ASH1L: variants seen among roughly 807,000 people sequenced by gnomAD.
ASH1L encodes histone-lysine N-methyltransferase ASH1L.
ASH1L carries 23 observed loss-of-function variants against 269.0 expected under a neutral mutation model. That is an observed-to-expected ratio of 0.09 (90% CI 0.06 to 0.12). ASH1L has a LOEUF of 0.12. ASH1L is among the 10% of genes least tolerant of loss of function. ASH1L has a pLI of 1.00. For missense variants in ASH1L, 2,912 were observed against 3,567.8 expected, an observed-to-expected ratio of 0.82 and a Z score of 4.68; for synonymous variants, 1,187 against 1,253.5, an observed-to-expected ratio of 0.95 and a Z score of 1.12.
At chr1:155,362,659 T>C (rs1164773438) in intron 12 of ASH1L, among the ~76,000 whole-genome samples, 1 of 152,156 alleles carries the variant, frequency 6.6e-6, no homozygotes, top group African/African-American at 2.4e-5. Context: ...CATGCCATAC[T>C]GATAACAAGT....
At chr1:155,401,150 G>C (rs1300232618) in intron 6 of ASH1L, among the ~76,000 whole-genome samples, 1 of 151,176 alleles carries the variant, frequency 6.6e-6, no homozygotes, top group African/African-American at 2.4e-5. Flanking sequence ...GACAGAGTGA[G>C]ACTCTCTGTC....
chr1:155,395,095 T>C (rs547227603), intron 7 of ASH1L, among the ~76,000 whole-genome samples: 20 of 152,010 alleles, frequency 1.3e-4, no homozygotes, highest in Non-Finnish European at 2.8e-4. Flanking sequence ...TGCCACCACG[T>C]CCAGCTAATT....
chr1:155,392,770 G>T (rs1172846071), intron 7 of ASH1L, among the ~76,000 whole-genome samples: 2 of 151,676 alleles, frequency 1.3e-5, no homozygotes, highest in Non-Finnish European at 2.9e-5. Flanking sequence ...ATTACAGGTG[G>T]ATAATTGTTA....
intron 5 of ASH1L, among the ~76,000 whole-genome samples, chr1:155,417,659 G>A (rs1441709988): frequency 6.6e-6 from 1 of 152,154 alleles, no homozygotes; most frequent in African/African-American, 2.4e-5. Flanking sequence ...TATCCTGAAA[G>A]GAAGACTAGC....
chr1:155,436,558 G>T (rs188279347), intron 5 of ASH1L, among the ~76,000 whole-genome samples: 8 of 144,358 alleles, frequency 5.5e-5, no homozygotes, highest in African/African-American at 1.6e-4. Flanking sequence ...GTGCAGTGGC[G>T]CAATCTCGGC....
intron 2 of ASH1L, among the ~76,000 whole-genome samples, chr1:155,518,754 G>T (rs1272213052): frequency 6.7e-6 from 1 of 148,958 alleles, no homozygotes; most frequent in Non-Finnish European, 1.5e-5. Flanking sequence ...GAAGGGGAGG[G>T]AAGAGAGGGG....
At chr1:155,542,044 C>T (rs1421598575) in intron 1 of ASH1L, among the ~76,000 whole-genome samples, 2 of 152,082 alleles carry the variant, frequency 1.3e-5, no homozygotes, top group African/African-American at 4.8e-5. Context: ...TCCAATCAAA[C>T]CTTACTTAGC....
chr1:155,414,310 A>C (rs1660034238), intron 6 of ASH1L, among the ~76,000 whole-genome samples: 1 of 151,768 alleles, frequency 6.6e-6, no homozygotes, highest in South Asian at 2.1e-4. Context: ...TAGCATTAAA[A>C]AAATTTCTTT....
chr1:155,351,270 C>T (rs74796484), intron 17 of ASH1L, among the ~76,000 whole-genome samples: 7,792 of 151,062 alleles, frequency 0.052, 660 homozygotes, highest in African/African-American at 0.18. Context: ...ATTAGTTTGG[C>T]GGGGCACAGT....
intron 12 of ASH1L, among the ~76,000 whole-genome samples, chr1:155,361,535 A>G (rs1654944604): frequency 6.8e-6 from 1 of 147,276 alleles, no homozygotes; most frequent in South Asian, 2.2e-4. Context: ...AAAAAAAAAA[A>G]AAAAAAAAAA....
chr1:155,496,838 G>T (rs1349023326), intron 2 of ASH1L, among the ~76,000 whole-genome samples: 1 of 151,666 alleles, frequency 6.6e-6, no homozygotes, highest in African/African-American at 2.4e-5. Context: ...AGAGGTGGGG[G>T]TCTCACTATG....
chr1:155,527,531 CTTTTTTTTT>C (rs35475547), intron 1 of ASH1L, among the ~76,000 whole-genome samples: 2 of 110,822 alleles, frequency 1.8e-5, no homozygotes, highest in African/African-American at 7.0e-5. Flanking sequence ...TACGGGATAC[CTTTTTTTTT>C]TTTTTTTTTT....
intron 5 of ASH1L, among the ~76,000 whole-genome samples, chr1:155,419,892 C>G (rs1219459929): frequency 1.3e-5 from 2 of 152,282 alleles, no homozygotes; most frequent in East Asian, 3.9e-4. Flanking sequence ...CACCCAAAGA[C>G]TCTACAAAAG....
At chr1:155,390,014 T>C (rs1657786563) in intron 7 of ASH1L, among the ~76,000 whole-genome samples, 1 of 151,974 alleles carries the variant, frequency 6.6e-6, no homozygotes, top group Admixed American at 6.6e-5. Context: ...CTTGACTTAA[T>C]ACACTGCCTA....
At chr1:155,525,539 CAAA>C (rs747113017) in intron 1 of ASH1L, among the ~76,000 whole-genome samples, 4 of 87,638 alleles carry the variant, frequency 4.6e-5, no homozygotes, top group Non-Finnish European at 4.9e-5. Context: ...TTCTAAAAGC[CAAA>C]AAAAAAAAAA....
At chr1:155,513,730 T>C (rs549328018) in intron 2 of ASH1L, among the ~76,000 whole-genome samples, 2 of 152,254 alleles carry the variant, frequency 1.3e-5, no homozygotes, top group East Asian at 1.9e-4. Context: ...TCTACACACA[T>C]GTTCAGCATT....
chr1:155,418,703 T>C (rs537160822), intron 5 of ASH1L, among the ~76,000 whole-genome samples: 115 of 152,132 alleles, frequency 7.6e-4, no homozygotes, highest in African/African-American at 2.6e-3. Context: ...AAGCAAACCA[T>C]AGGCAGGATA....
intron 2 of ASH1L, among the ~76,000 whole-genome samples, chr1:155,485,222 C>CTA (rs905999202): frequency 2.7e-5 from 4 of 149,766 alleles, no homozygotes; most frequent in Non-Finnish European, 5.9e-5. Context: ...CACCACTGTA[C>CTA]TCCAGCCTGG....
At position 155,346,378 on chromosome 1, in the gene ASH1L, C is replaced by T; in HGVS notation, c.7890+5G>A. On this transcript the variant is annotated splice_donor_5th_base_variant and intron_variant, in intron 21 of 27. Transcript: ENST00000392403. ...GATCAGAGTTTTATCAGAGGTTCAG[C>T]TTACCCTGTCCACAGGCCTTGGGTC... 1 of 1,613,754 alleles carries T rather than the reference C, an allele frequency of 6.2e-7. No individual in the cohort carries two copies. Among genetic ancestry groups the T allele is most frequent in the Non-Finnish European group, 8.5e-7 (1 of 1,179,692 alleles).
Sources: gnomAD v4.1 joint callset for allele counts (sites outside exome capture counted in the v4.1 genomes callset) on GRCh38, gnomAD v4.1.1 for gene constraint, MANE v1.5 for transcripts, NCBI Gene and HGNC (gene_info 2026-07-23, HGNC 2026-07-21) for gene names.